Variants in CPLX1 observed in about 807,000 individuals in gnomAD.
CPLX1 encodes complexin 1.
In CPLX1, 6 loss-of-function variants were observed where a neutral mutation model predicts 15.6. The observed-to-expected ratio is 0.39, with a 90% CI of 0.21 to 0.76. The LOEUF (loss-of-function observed/expected upper bound fraction) is 0.76, where lower values mean the gene tolerates loss of function less well. Among genes scored for constraint, CPLX1 ranks in the 30% least tolerant of loss-of-function variants. The pLI, the probability that CPLX1 is intolerant of heterozygous loss-of-function variation, is 0.43. For missense variants in CPLX1, 242 were observed against 188.6 expected, an observed-to-expected ratio of 1.28 and a Z score of -1.66; for synonymous variants, 91 against 75.2, an observed-to-expected ratio of 1.21 and a Z score of -1.08.
intron 2 of CPLX1, among the ~76,000 whole-genome samples, chr4:812,721 G>A (rs917784251): frequency 4.6e-5 from 7 of 151,592 alleles, no homozygotes; most frequent in South Asian, 2.1e-4. Flanking sequence ...ATCCCAGCAC[G>A]TTCCTAATGC....
At chr4:808,957 G>A (rs1487199917) in intron 2 of CPLX1, among the ~76,000 whole-genome samples, 1 of 152,250 alleles carries the variant, frequency 6.6e-6, no homozygotes, top group Non-Finnish European at 1.5e-5. Context: ...ATTAACATAA[G>A]AGCAATGCCA....
intron 2 of CPLX1, among the ~76,000 whole-genome samples, chr4:822,451 C>G: frequency 6.6e-6 from 1 of 152,180 alleles, no homozygotes; most frequent in Middle Eastern, 3.4e-3. Context: ...TCTGACGTGC[C>G]GTCTCTGTTT....
Position 790,515 on chromosome 4 carries a change from C to T in CPLX1, c.207+1918G>A, listed in dbSNP as rs569329189. Among the ~76,000 whole-genome samples, 16 of 152,268 alleles carry T rather than the reference C, an allele frequency of 1.1e-4. No homozygotes were observed. The East Asian group carries it at 2.1e-3, about 20-fold the overall frequency. ...GAGGGTGCAGCTGCTGCATCCTGCC[C>T]GGGCCACTCGGTCCCTGACGCTGCT... On this transcript the variant is annotated intron_variant, in intron 3 of 3. Transcript: ENST00000304062.
At chr4:825,842 C>A (rs1577001288) in intron 1 of CPLX1, among the ~76,000 whole-genome samples, 1 of 53,884 alleles carries the variant, frequency 1.9e-5, no homozygotes, top group Non-Finnish European at 3.4e-5. Flanking sequence ...AAGCCGGAGC[C>A]GGGGAGGAGA....
At chr4:791,195 G>GGGGCGGA (rs1400992733) in intron 3 of CPLX1, among the ~76,000 whole-genome samples, 3 of 151,312 alleles carry the variant, frequency 2.0e-5, no homozygotes, top group African/African-American at 7.3e-5. Context: ...CGGGGAGCGG[G>GGGGCGGA]GGGCGGAGGG....
intron 2 of CPLX1, among the ~76,000 whole-genome samples, chr4:793,634 T>C (rs944920214): frequency 1.3e-5 from 2 of 152,186 alleles, no homozygotes; most frequent in African/African-American, 4.8e-5. Context: ...TGGCCACTTA[T>C]AGCCCTCAGC....
intron 3 of CPLX1, chr4:786,937 G>T (rs1396470826): frequency 4.1e-6 from 4 of 981,068 alleles, no homozygotes; most frequent in Non-Finnish European, 4.8e-6. Flanking sequence ...CAGGGAGGGG[G>T]AGGCTCCCAT....
At position 824,627 on chromosome 4, in the gene CPLX1, G is replaced by A. The variant is rs763244144; in HGVS notation, c.-79-26C>T. 4 of 1,270,556 alleles carry A rather than the reference G, an allele frequency of 3.1e-6. No homozygotes were observed. The East Asian group carries it at 6.9e-5, about 22-fold the overall frequency. 78.7% of individuals were successfully genotyped at this position (1,270,556 alleles called of 1,614,324 possible). ...CTGGGGGAGAGTGAAGTGGTCACAG[G>A]TCACCCTAAGCAGGCCCCTGCCTGG... On this transcript the variant is annotated intron_variant, in intron 1 of 3. Transcript: ENST00000304062.
chr4:807,183 A>G (rs1270909577), intron 2 of CPLX1, among the ~76,000 whole-genome samples: 10 of 152,260 alleles, frequency 6.6e-5, no homozygotes, highest in Admixed American at 5.2e-4. Flanking sequence ...AGGGATAGGA[A>G]TGGGGCTGGA....
intron 2 of CPLX1, among the ~76,000 whole-genome samples, chr4:814,509 G>A (rs184472133): frequency 5.3e-5 from 8 of 152,294 alleles, no homozygotes; most frequent in Admixed American, 1.3e-4. Context: ...CACCACGCCC[G>A]GCCCTCTCCC....
At chr4:817,790 G>C (rs1746786253) in intron 2 of CPLX1, among the ~76,000 whole-genome samples, 1 of 152,068 alleles carries the variant, frequency 6.6e-6, no homozygotes, top group South Asian at 2.1e-4. Flanking sequence ...CTTCCATCTG[G>C]AGATGCTGCT....
At chr4:794,361 G>C (rs1746272412) in intron 2 of CPLX1, among the ~76,000 whole-genome samples, 3 of 152,234 alleles carry the variant, frequency 2.0e-5, no homozygotes, top group African/African-American at 7.2e-5. Flanking sequence ...TCGCTGCTGG[G>C]GACAGGCAGG....
chr4:794,410 G>A (rs1017803110), intron 2 of CPLX1, among the ~76,000 whole-genome samples: 3 of 152,238 alleles, frequency 2.0e-5, no homozygotes, highest in Admixed American at 2.0e-4. Context: ...CACAGATCTG[G>A]ACTCCTCAAC....
intron 3 of CPLX1, chr4:787,247 G>C (rs3816682): frequency 0.55 from 542,019 of 984,968 alleles, 149,878 homozygotes; most frequent in Middle Eastern, 0.63. Context: ...AGAGGGTCCT[G>C]GGCTGCGGTC....
intron 3 of CPLX1, among the ~76,000 whole-genome samples, chr4:789,331 C>G (rs547603959): frequency 8.6e-5 from 13 of 151,758 alleles, no homozygotes; most frequent in African/African-American, 3.1e-4. Flanking sequence ...CTGCTGGGGG[C>G]GCCCAGGAGG....
chr4:793,886 GGTGAAATT>G (rs1275642875), intron 2 of CPLX1, among the ~76,000 whole-genome samples: 1 of 152,214 alleles, frequency 6.6e-6, no homozygotes, highest in Non-Finnish European at 1.5e-5. Flanking sequence ...AGAGATGTCA[GGTGAAATT>G]GTGGGTTAGA....
At chr4:816,023 G>A (rs1746749494) in intron 2 of CPLX1, among the ~76,000 whole-genome samples, 1 of 152,248 alleles carries the variant, frequency 6.6e-6, no homozygotes, top group South Asian at 2.1e-4. Context: ...CGCCTGTTAA[G>A]GGAAATTATA....
At position 785,044 on chromosome 4, in the gene CPLX1, G is replaced by A. The variant is rs915195456; in HGVS notation, c.*1457C>T. The A allele has an allele frequency of 2.6e-5, 4 of 152,364 alleles. No homozygotes were observed. The highest frequency in any genetic ancestry group is 9.6e-5 in the African/African-American group (4 of 41,482). 9.4% of individuals were successfully genotyped at this position (152,364 alleles called of 1,614,324 possible). On this transcript the variant is annotated 3_prime_UTR_variant, in exon 4 of 4. Coordinates refer to ENST00000304062, the MANE Select transcript of CPLX1 (RefSeq NM_006651.4). ...CATGCAGGAGGAGGCGCAGGCGCAGGACAGACGGACAGAGGACACCACGGT... is the reference window on the plus strand; with the variant it reads ...CATGCAGGAGGAGGCGCAGGCGCAGAACAGACGGACAGAGGACACCACGGT...
Position 805,443 on chromosome 4 carries a change from C to A in CPLX1, c.32-12835G>T, listed in dbSNP as rs193149370. Among the ~76,000 whole-genome samples, 596 of 152,256 alleles carry A rather than the reference C, an allele frequency of 3.9e-3. 5 individuals are homozygous for A. Among genetic ancestry groups the A allele is most frequent in the African/African-American group, 0.014 (569 of 41,560 alleles). ...CCACTCAGACGGCTGTTATCAAAAA[C>A]CAGGAAATCACAAGTGTTGGCAACA... On this transcript the variant is annotated intron_variant, in intron 2 of 3. Transcript: ENST00000304062.
Sources: gnomAD v4.1 joint callset for allele counts (sites outside exome capture counted in the v4.1 genomes callset) on GRCh38, gnomAD v4.1.1 for gene constraint, MANE v1.5 for transcripts, NCBI Gene and HGNC (gene_info 2026-07-23, HGNC 2026-07-21) for gene names.